CNTLN: variants seen among roughly 807,000 people sequenced by gnomAD.
CNTLN encodes centlein, centrosomal protein.
A neutral mutation model predicts 180.0 loss-of-function variants in CNTLN; 212 were observed. The ratio of observed to expected loss-of-function variants is 1.18; its 90% CI spans 1.05 to 1.32. The LOEUF is 1.32. CNTLN is among the 40% of genes most tolerant of loss of function. The probability of loss-of-function intolerance (pLI) is 0.00; values close to 1 mark genes in which losing one functional copy is unlikely to be tolerated. For missense variants in CNTLN, 2,095 were observed against 1,610.9 expected (o/e 1.30, Z -5.14); for synonymous variants, 722 against 563.1 (o/e 1.28, Z -3.99).
chr9:17,363,495 T>C (rs904344776), intron 12 of CNTLN, among the ~76,000 whole-genome samples: 5 of 151,852 alleles, frequency 3.3e-5, no homozygotes, highest in Admixed American at 2.0e-4. Flanking sequence ...TTTGATTTGA[T>C]ACAGTTTTTT....
chr9:17,306,947 G>T (rs528194434), intron 7 of CNTLN, among the ~76,000 whole-genome samples: 2 of 152,152 alleles, frequency 1.3e-5, no homozygotes, highest in East Asian at 3.9e-4. Flanking sequence ...TTGTGTCCAG[G>T]GTTTGCTTTT....
chr9:17,266,461 T>C, intron 5 of CNTLN, among the ~76,000 whole-genome samples: 1 of 152,154 alleles, frequency 6.6e-6, no homozygotes, highest in Admixed American at 6.5e-5. Context: ...CTTCCCAGTA[T>C]GTGGTCAATT....
At chr9:17,477,271 A>G (rs1316414916) in intron 23 of CNTLN, among the ~76,000 whole-genome samples, 1 of 152,200 alleles carries the variant, frequency 6.6e-6, no homozygotes, top group Non-Finnish European at 1.5e-5. Context: ...GTACATTGAG[A>G]TTAATGCTGT....
intron 6 of CNTLN, among the ~76,000 whole-genome samples, chr9:17,280,412 A>AT (rs377136282): frequency 8.6e-5 from 13 of 151,090 alleles, no homozygotes; most frequent in South Asian, 2.1e-4. Flanking sequence ...CTATGATGGC[A>AT]TTTTTTTTTC....
intron 2 of CNTLN, among the ~76,000 whole-genome samples, chr9:17,187,031 T>G (rs1821474113): frequency 6.6e-6 from 1 of 152,040 alleles, no homozygotes; most frequent in African/African-American, 2.4e-5. Flanking sequence ...ACATTAATAC[T>G]TTACCTTGAC....
chr9:17,398,540 A>T (rs1444504725), intron 15 of CNTLN, among the ~76,000 whole-genome samples: 1 of 152,188 alleles, frequency 6.6e-6, no homozygotes, highest in East Asian at 1.9e-4. Context: ...ATGCAGTGGA[A>T]TTTCAGTCTG....
rs1483824779 is a variant in CNTLN, at chr9:17,466,002, T to C, written c.3553T>C (p.Cys1185Arg). Residue 1185 changes from cysteine (C) to arginine (R), a missense_variant, in exon 22 of 26, where the codon TGT becomes CGT. Physicochemically the swap from Cys to Arg is radical, Grantham distance 180. Coordinates refer to ENST00000380647, the MANE Select transcript of CNTLN (RefSeq NM_017738.4). ...DKKVKTLTEE[C>R]SNKKVSIDSL... ...GTAGGTAAAGACATTAACTGAAGAA[T>C]GTTCCAACAAGAAGGTATCAATTGA... 1 of 1,604,058 alleles carries C rather than the reference T, an allele frequency of 6.2e-7. No homozygotes were observed.
intron 6 of CNTLN, among the ~76,000 whole-genome samples, chr9:17,280,356 C>T (rs192401422): frequency 9.2e-5 from 14 of 152,208 alleles, no homozygotes; most frequent in Admixed American, 3.3e-4. Context: ...TTTTATGTTC[C>T]ATAACTTTGA....
chr9:17,179,176 G>A (rs1459158112), intron 2 of CNTLN, among the ~76,000 whole-genome samples: 3 of 143,220 alleles, frequency 2.1e-5, no homozygotes, highest in South Asian at 4.3e-4. Flanking sequence ...CCCGGGAGGC[G>A]GAGCTTGCAG....
intron 13 of CNTLN, among the ~76,000 whole-genome samples, chr9:17,378,224 G>C (rs1824938813): frequency 6.6e-6 from 1 of 152,112 alleles, no homozygotes; most frequent in Admixed American, 6.6e-5. Flanking sequence ...TCTGTCACCA[G>C]GCTGGAATGC....
chr9:17,157,524 GC>G (rs1251601456), intron 2 of CNTLN, among the ~76,000 whole-genome samples: 3 of 152,156 alleles, frequency 2.0e-5, no homozygotes, highest in African/African-American at 7.2e-5. Flanking sequence ...GCCATCAGAT[GC>G]CCAGATATTT....
intron 12 of CNTLN, among the ~76,000 whole-genome samples, chr9:17,351,651 G>A (rs1019476283): frequency 6.6e-6 from 1 of 151,734 alleles, no homozygotes; most frequent in Non-Finnish European, 1.5e-5. Context: ...CATCCTCACT[G>A]TTACGCCCTT....
At chr9:17,414,183 C>T (rs1192174092) in intron 16 of CNTLN, among the ~76,000 whole-genome samples, 1 of 152,204 alleles carries the variant, frequency 6.6e-6, no homozygotes, top group African/African-American at 2.4e-5. Flanking sequence ...GTCAGTTCTA[C>T]ATTTTGCTGG....
intron 5 of CNTLN, among the ~76,000 whole-genome samples, chr9:17,265,268 CA>C (rs1224138413): frequency 6.6e-6 from 1 of 151,930 alleles, no homozygotes; most frequent in Non-Finnish European, 1.5e-5. Flanking sequence ...TGAATTTTGT[CA>C]AAGGCCTTTT....
chr9:17,166,337 A>G lies in CNTLN; in HGVS notation c.449+22961A>G, dbSNP rs1472661172. Among the ~76,000 whole-genome samples, 6 of 152,308 alleles carry G rather than the reference A, an allele frequency of 3.9e-5. No individual in the cohort carries two copies. In the East Asian group the frequency reaches 1.2e-3, roughly 29 times the overall value. Reference sequence around the variant, plus strand: ...CCAAAGATTATAACAGAGACAAAGGAGTAGTAAATAGGAGCAAAAGGAAAA... The same window carrying G: ...CCAAAGATTATAACAGAGACAAAGGGGTAGTAAATAGGAGCAAAAGGAAAA... On this transcript the variant is annotated intron_variant, in intron 2 of 25. Transcript: ENST00000380647.
chr9:17,203,676 C>G (rs1822710821), intron 2 of CNTLN, among the ~76,000 whole-genome samples: 1 of 152,156 alleles, frequency 6.6e-6, no homozygotes, highest in South Asian at 2.1e-4. Flanking sequence ...CCTGCCTCAG[C>G]CTCCTGAGTA....
At chr9:17,422,054 T>C (rs1233269596) in intron 18 of CNTLN, among the ~76,000 whole-genome samples, 2 of 152,190 alleles carry the variant, frequency 1.3e-5, no homozygotes, top group Admixed American at 6.5e-5. Flanking sequence ...GAACTCCCTT[T>C]AGCATTTCTT....
intron 2 of CNTLN, among the ~76,000 whole-genome samples, chr9:17,143,836 G>C (rs952361084): frequency 6.6e-6 from 1 of 152,096 alleles, no homozygotes; most frequent in Non-Finnish European, 1.5e-5. Context: ...TAGGTTAAAG[G>C]ATTTTACTTA....
At chr9:17,280,887 G>A (rs1270478797) in intron 6 of CNTLN, among the ~76,000 whole-genome samples, 3 of 152,182 alleles carry the variant, frequency 2.0e-5, no homozygotes, top group African/African-American at 7.2e-5. Flanking sequence ...CATTTGAACT[G>A]TATATATCTG....
Sources: gnomAD v4.1 joint callset for allele counts (sites outside exome capture counted in the v4.1 genomes callset) on GRCh38, gnomAD v4.1.1 for gene constraint, MANE v1.5 for transcripts, NCBI Gene and HGNC (gene_info 2026-07-23, HGNC 2026-07-21) for gene names.